Variants in MYO3B observed in about 807,000 individuals in gnomAD.
MYO3B encodes the protein myosin-IIIb.
Under a neutral mutation model 174.6 loss-of-function variants are expected in MYO3B, and 156 were observed. The observed-to-expected ratio is 0.89, with a 90% CI of 0.78 to 1.02. MYO3B has a LOEUF of 1.02. MYO3B is among the 50% of genes least tolerant of loss of function. The pLI is 0.00. For missense variants in MYO3B, 1,632 were observed against 1,639.4 expected (o/e 1.00, Z 0.08); for synonymous variants, 563 against 569.1 (o/e 0.99, Z 0.15).
chr2:170,239,837 T>C (rs1312875560), intron 7 of MYO3B, among the ~76,000 whole-genome samples: 1 of 152,154 alleles, frequency 6.6e-6, no homozygotes, highest in Non-Finnish European at 1.5e-5. Context: ...ACAAACTCGG[T>C]GGATTAAAGC....
At chr2:170,338,034 A>C (rs2093956659) in intron 8 of MYO3B, 1 of 152,206 alleles carries the variant, frequency 6.6e-6, no homozygotes, top group Non-Finnish European at 1.5e-5. Context: ...AGGGTCAACT[A>C]TGCAGAAATT....
At chr2:170,224,924 C>T (rs2092936164) in intron 6 of MYO3B, among the ~76,000 whole-genome samples, 1 of 152,166 alleles carries the variant, frequency 6.6e-6, no homozygotes, top group African/African-American at 2.4e-5. Context: ...CCACTCTTGC[C>T]TTTGTTAATT....
At position 170,382,064 on chromosome 2, in the gene MYO3B, A is replaced by C. The variant is rs781537923; in HGVS notation, c.1020A>C (p.Glu340Asp). 2 of 1,613,710 alleles carry C rather than the reference A, an allele frequency of 1.2e-6. No individual in the cohort carries two copies. Among genetic ancestry groups the C allele is most frequent in the Non-Finnish European group, 8.5e-7 (1 of 1,179,708 alleles). ...GACCTTATCATGTGGAAGATGCTGA[A>C]AAATACTGCCTTGAGGATGATTTGG... ...TRRPYHVEDA[E>D]KYCLEDDLVN... The change falls in exon 10 of 35, where the codon GAA becomes GAC. Residue 340 changes from glutamate (E) to aspartate (D), a missense_variant. Physicochemically the swap from Glu to Asp is conservative, Grantham distance 45. Transcript: ENST00000408978.
intron 32 of MYO3B, among the ~76,000 whole-genome samples, chr2:170,650,554 G>A (rs1426666259): frequency 1.3e-5 from 2 of 151,956 alleles, no homozygotes; most frequent in Admixed American, 6.6e-5. Context: ...TGACAGAGGT[G>A]TGTGTGTCTG....
Position 170,601,660 on chromosome 2 carries a change from C to A in MYO3B, c.3734-49968C>A, listed in dbSNP as rs182588690. On this transcript the variant is annotated intron_variant, in intron 32 of 34. Transcript: ENST00000408978. Reference sequence around the variant, plus strand: ...TCCTCCTCATAATCCTCTTCATCTTCTGTCCTCCTCTTCCTTCTTTTTCTT... The same window carrying A: ...TCCTCCTCATAATCCTCTTCATCTTATGTCCTCCTCTTCCTTCTTTTTCTT... 242 of 1,394,858 alleles carry A rather than the reference C, an allele frequency of 1.7e-4. 1 individual carries two copies. Among genetic ancestry groups the A allele is most frequent in the Admixed American group, 9.9e-4 (59 of 59,412 alleles). The allele number at this position is 1,394,858 out of a possible 1,614,324, so 86.4% of individuals were successfully genotyped here. A position where few individuals can be genotyped will look rare whatever the true frequency, so the allele number is the denominator to read the frequency against.
chr2:170,643,038 A>G (rs1698098627), intron 32 of MYO3B, among the ~76,000 whole-genome samples: 1 of 152,088 alleles, frequency 6.6e-6, no homozygotes, highest in Non-Finnish European at 1.5e-5. Context: ...AGATTTGAAA[A>G]AAAAAAAAAT....
intron 32 of MYO3B, among the ~76,000 whole-genome samples, chr2:170,551,757 TC>T (rs1690938233): frequency 6.6e-6 from 1 of 152,132 alleles, no homozygotes. Flanking sequence ...TAGCTCTGTG[TC>T]CCCACCCAAA....
At chr2:170,233,621 A>C (rs2093036670) in intron 6 of MYO3B, among the ~76,000 whole-genome samples, 1 of 152,206 alleles carries the variant, frequency 6.6e-6, no homozygotes, top group African/African-American at 2.4e-5. Context: ...AACGTGTTAA[A>C]AGTATGACAG....
In MYO3B at chr2:170,616,705, G is replaced by A. The variant is rs189059903; in HGVS notation, c.3734-34923G>A. On this transcript the variant is annotated intron_variant, in intron 32 of 34. Coordinates refer to ENST00000408978, the MANE Select transcript of MYO3B (RefSeq NM_138995.5). Reference sequence around the variant, plus strand: ...ACACAGAACAAAATTAACGATAGTGGATCCTCCCAAAGATTTTACCTATTG... The same window carrying A: ...ACACAGAACAAAATTAACGATAGTGAATCCTCCCAAAGATTTTACCTATTG... 3.6e-3 allele frequency among the ~76,000 whole-genome samples: 549 copies of A among 152,250 alleles called. 1 individual carries two copies. The highest frequency in any genetic ancestry group is 6.2e-3 in the Non-Finnish European group (424 of 68,024).
chr2:170,599,597 A>C (rs568395362), intron 32 of MYO3B, among the ~76,000 whole-genome samples: 2 of 152,240 alleles, frequency 1.3e-5, no homozygotes, highest in South Asian at 2.1e-4. Context: ...AAATACAAAA[A>C]CTTAGCCAGG....
intron 7 of MYO3B, among the ~76,000 whole-genome samples, chr2:170,284,596 G>C (rs1195310734): frequency 6.6e-6 from 1 of 152,130 alleles, no homozygotes; most frequent in African/African-American, 2.4e-5. Flanking sequence ...AAATATAAAA[G>C]AATGTATTTC....
chr2:170,294,931 C>T (rs2093619891), intron 7 of MYO3B, among the ~76,000 whole-genome samples: 1 of 144,514 alleles, frequency 6.9e-6, no homozygotes. Context: ...TTCTGAAAAA[C>T]TAAAATTACT....
intron 22 of MYO3B, among the ~76,000 whole-genome samples, chr2:170,414,758 A>G (rs1227172524): frequency 6.6e-6 from 1 of 152,200 alleles, no homozygotes; most frequent in Admixed American, 6.5e-5. Context: ...TATTTAATCA[A>G]TATTTTGTTG....
chr2:170,187,908 G>A (rs1312298203), intron 1 of MYO3B, among the ~76,000 whole-genome samples: 2 of 152,314 alleles, frequency 1.3e-5, no homozygotes, highest in African/African-American at 4.8e-5. Flanking sequence ...ATCCTTGGGA[G>A]TGATATATGT....
intron 7 of MYO3B, among the ~76,000 whole-genome samples, chr2:170,273,428 G>C (rs968589142): frequency 6.6e-6 from 1 of 152,084 alleles, no homozygotes; most frequent in African/African-American, 2.4e-5. Flanking sequence ...AAAGGATGAA[G>C]TTCAAATCTC....
chr2:170,388,242 A>G (rs2094389851), intron 14 of MYO3B, among the ~76,000 whole-genome samples: 1 of 152,134 alleles, frequency 6.6e-6, no homozygotes, highest in South Asian at 2.1e-4. Flanking sequence ...GGCTTAGAGT[A>G]TGCGGTATAT....
intron 7 of MYO3B, among the ~76,000 whole-genome samples, chr2:170,303,016 A>G (rs1400592941): frequency 2.0e-5 from 3 of 152,202 alleles, no homozygotes; most frequent in Admixed American, 1.3e-4. Context: ...TTTGTTTTAC[A>G]TAAAAGGCAC....
chr2:170,440,837 T>C (rs529510722), intron 22 of MYO3B, among the ~76,000 whole-genome samples: 155 of 133,292 alleles, frequency 1.2e-3, no homozygotes, highest in African/African-American at 4.0e-3. Context: ...GGAGTCTCGC[T>C]CTGTCCCAGG....
intron 23 of MYO3B, among the ~76,000 whole-genome samples, chr2:170,458,608 T>C (rs1684047772): frequency 6.6e-6 from 1 of 152,222 alleles, no homozygotes; most frequent in African/African-American, 2.4e-5. Flanking sequence ...ACTACTACTA[T>C]AATGAAATTA....
Sources: gnomAD v4.1 joint callset for allele counts (sites outside exome capture counted in the v4.1 genomes callset) on GRCh38, gnomAD v4.1.1 for gene constraint, MANE v1.5 for transcripts, NCBI Gene and HGNC (gene_info 2026-07-23, HGNC 2026-07-21) for gene names.